Variants in ELOVL6 observed in about 807,000 individuals in gnomAD.
ELOVL6 encodes ELOVL fatty acid elongase 6.
A neutral mutation model predicts 31.7 loss-of-function variants in ELOVL6; 8 were observed. The ratio of observed to expected loss-of-function variants is 0.25; its 90% CI spans 0.15 to 0.45. The LOEUF is 0.45. Ranked by LOEUF, ELOVL6 falls within the 20% of genes least tolerant of loss-of-function variation. The pLI, the probability that ELOVL6 is intolerant of heterozygous loss-of-function variation, is 1.00. For missense variants in ELOVL6, 126 were observed against 326.4 expected (o/e 0.39, Z 4.73); for synonymous variants, 101 against 117.7 (o/e 0.86, Z 0.92).
At chr4:110,096,315 AG>A in intron 2 of ELOVL6, among the ~76,000 whole-genome samples, 1 of 152,208 alleles carries the variant, frequency 6.6e-6, no homozygotes, top group Non-Finnish European at 1.5e-5. Context: ...TACTTTTAAA[AG>A]ATAGAAAGTT....
intron 1 of ELOVL6, among the ~76,000 whole-genome samples, chr4:110,142,092 A>G (rs1757982173): frequency 2.8e-5 from 3 of 107,306 alleles, no homozygotes; most frequent in East Asian, 2.6e-4. Context: ...TTTTTTTGAG[A>G]CGGAGTCTCG....
chr4:110,185,848 C>A (rs72679246), intron 1 of ELOVL6, among the ~76,000 whole-genome samples: 1,921 of 152,188 alleles, frequency 0.013, 19 homozygotes, highest in Non-Finnish European at 0.019. Flanking sequence ...CTGAAAGGGG[C>A]TTCCTGAGAA....
intron 1 of ELOVL6, among the ~76,000 whole-genome samples, chr4:110,115,407 G>A (rs188661156): frequency 9.2e-5 from 14 of 152,150 alleles, no homozygotes; most frequent in Non-Finnish European, 1.9e-4. Flanking sequence ...ATTATCACCC[G>A]ATTACCCAAG....
chr4:110,059,750 A>G lies in ELOVL6; in HGVS notation c.226T>C (p.Phe76Leu), dbSNP rs1269644682. Reference sequence around the variant, plus strand: ...TAAGCACCAGTTCGAAGAGCACCGAATATACTTCATAATGAAAAGAGAAAA... The same window carrying G: ...TAAGCACCAGTTCGAAGAGCACCGAGTATACTTCATAATGAAAAGAGAAAA... ...WSLTLAVFSI[F>L]GALRTGAYMV... is the part of the protein sequence containing the mutation. Residue 76 changes from phenylalanine to leucine, a missense_variant, in exon 3 of 4, where the codon TTC (phenylalanine) becomes CTC (leucine). Around this residue, in one of 3 missense-constraint regions of ELOVL6, gnomAD observed 53 missense variants for 193.4 expected, o/e 0.27. Coordinates refer to ENST00000302274, the MANE Select transcript of ELOVL6 (RefSeq NM_024090.3). 4 of 1,607,412 alleles carry G rather than the reference A, an allele frequency of 2.5e-6. No individual in the cohort carries two copies. Among genetic ancestry groups the G allele is most frequent in the Non-Finnish European group, 3.4e-6 (4 of 1,177,422 alleles).
At chr4:110,100,394 A>C (rs546212872) in intron 2 of ELOVL6, among the ~76,000 whole-genome samples, 21 of 152,336 alleles carry the variant, frequency 1.4e-4, no homozygotes, top group Non-Finnish European at 2.5e-4. Context: ...GTCAGCCCCC[A>C]AAAATAAAGA....
At chr4:110,079,316 A>C (rs944638969) in intron 2 of ELOVL6, among the ~76,000 whole-genome samples, 26 of 152,164 alleles carry the variant, frequency 1.7e-4, no homozygotes, top group Non-Finnish European at 3.4e-4. Flanking sequence ...CACACCCATT[A>C]CAAAATTGAC....
intron 1 of ELOVL6, among the ~76,000 whole-genome samples, chr4:110,113,768 T>C (rs1366918064): frequency 6.6e-6 from 1 of 152,156 alleles, no homozygotes; most frequent in Non-Finnish European, 1.5e-5. Context: ...ACAAAACTCT[T>C]GTGGCCATTT....
intron 1 of ELOVL6, among the ~76,000 whole-genome samples, chr4:110,190,287 T>A (rs1759577014): frequency 6.6e-6 from 1 of 152,126 alleles, no homozygotes; most frequent in African/African-American, 2.4e-5. Context: ...TAAAGTTAAA[T>A]CTCAGTAAGT....
intron 1 of ELOVL6, among the ~76,000 whole-genome samples, chr4:110,190,011 G>A (rs1168040197): frequency 6.6e-6 from 1 of 151,612 alleles, no homozygotes; most frequent in African/African-American, 2.4e-5. Flanking sequence ...TGTGTTTTGA[G>A]GAGGTAGATC....
intron 1 of ELOVL6, among the ~76,000 whole-genome samples, chr4:110,182,838 G>A (rs1446290045): frequency 6.6e-6 from 1 of 152,134 alleles, no homozygotes; most frequent in East Asian, 1.9e-4. Flanking sequence ...AACCCGGGAG[G>A]CGGAGGTTGC....
At chr4:110,064,078 C>CAA (rs34104506) in intron 2 of ELOVL6, among the ~76,000 whole-genome samples, 2,699 of 103,270 alleles carry the variant, frequency 0.026, 82 homozygotes, top group African/African-American at 0.076. Context: ...AACTCTGTCT[C>CAA]AAAAAAAAAA....
intron 2 of ELOVL6, among the ~76,000 whole-genome samples, chr4:110,084,568 A>T (rs1470035478): frequency 1.4e-3 from 57 of 39,470 alleles, no homozygotes; most frequent in African/African-American, 0.011. Flanking sequence ...ACACAGATAT[A>T]TATATATATA....
chr4:110,148,674 G>A (rs61522245), intron 1 of ELOVL6, among the ~76,000 whole-genome samples: 4,113 of 152,160 alleles, frequency 0.027, 178 homozygotes, highest in African/African-American at 0.093. Context: ...TGCTTGAGGG[G>A]ATGGATACAC....
intron 1 of ELOVL6, among the ~76,000 whole-genome samples, chr4:110,130,999 C>T (rs1757650361): frequency 6.6e-6 from 1 of 152,200 alleles, no homozygotes; most frequent in Admixed American, 6.5e-5. Flanking sequence ...TATAAAAGCT[C>T]TGGCTGCACT....
intron 1 of ELOVL6, among the ~76,000 whole-genome samples, chr4:110,126,231 A>T (rs1757491657): frequency 6.6e-6 from 1 of 152,072 alleles, no homozygotes. Flanking sequence ...TTTTGTAGAG[A>T]TGAGGTTTTG....
intron 2 of ELOVL6, among the ~76,000 whole-genome samples, chr4:110,072,621 G>A (rs1466372490): frequency 6.6e-6 from 1 of 151,814 alleles, no homozygotes; most frequent in African/African-American, 2.4e-5. Flanking sequence ...GCAACAGTTG[G>A]CAGTGACTAT....
At chr4:110,068,932 C>T (rs893825483) in intron 2 of ELOVL6, among the ~76,000 whole-genome samples, 1 of 152,138 alleles carries the variant, frequency 6.6e-6, no homozygotes, top group African/African-American at 2.4e-5. Flanking sequence ...TGCCTAAGCT[C>T]AGGAGTTTGA....
intron 2 of ELOVL6, among the ~76,000 whole-genome samples, chr4:110,074,524 G>A (rs1387112412): frequency 1.3e-5 from 2 of 152,256 alleles, no homozygotes; most frequent in Non-Finnish European, 2.9e-5. Flanking sequence ...TTAAGACCTG[G>A]AGAACTTTAG....
intron 1 of ELOVL6, among the ~76,000 whole-genome samples, chr4:110,109,754 T>C (rs1400204470): frequency 1.3e-5 from 2 of 152,240 alleles, no homozygotes; most frequent in Admixed American, 6.5e-5. Flanking sequence ...AAGATTTCTA[T>C]ACCCCAAGAG....
Sources: gnomAD v4.1 joint callset for allele counts (sites outside exome capture counted in the v4.1 genomes callset) on GRCh38, gnomAD v4.1.1 for gene constraint, gnomAD v4.1.1 regional missense constraint, MANE v1.5 for transcripts, NCBI Gene and HGNC (gene_info 2026-07-23, HGNC 2026-07-21) for gene names.